The following PRKDC variants were observed in gnomAD, a reference collection of about 807,000 sequenced individuals.
PRKDC encodes protein kinase, DNA-activated, catalytic subunit.
PRKDC carries 82 observed loss-of-function variants against 486.9 expected under a neutral mutation model. That is an observed-to-expected ratio of 0.17 (90% CI 0.14 to 0.20). PRKDC has a LOEUF of 0.20. Among genes scored for constraint, PRKDC ranks in the 10% least tolerant of loss-of-function variants. The probability of loss-of-function intolerance (pLI) is 1.00; values close to 1 mark genes in which losing one functional copy is unlikely to be tolerated. For synonymous variants in PRKDC, 1,895 were observed against 1,837.0 expected, an observed-to-expected ratio of 1.03 and a Z score of -0.81; for missense variants, 4,504 against 5,038.2, an observed-to-expected ratio of 0.89 and a Z score of 3.21.
intron 25 of PRKDC, among the ~76,000 whole-genome samples, chr8:47,906,901 G>A (rs538438328): frequency 1.3e-5 from 2 of 151,602 alleles, no homozygotes; most frequent in South Asian, 4.1e-4. Flanking sequence ...AGTCTTTGAA[G>A]CTATTTTTTT....
chr8:47,943,439 G>A (rs749186720), intron 9 of PRKDC, 73 bp from the exon 10 acceptor site: 176 of 1,443,372 alleles, frequency 1.2e-4, no homozygotes, highest in Non-Finnish European at 1.5e-4. Flanking sequence ...AAACCTGCAG[G>A]GATATGTCAA....
chr8:47,844,882 ACCTCAAATCAATAATCAAACATCG>A (rs1164718540), intron 54 of PRKDC, among the ~76,000 whole-genome samples: 1 of 152,148 alleles, frequency 6.6e-6, no homozygotes, highest in South Asian at 2.1e-4. Flanking sequence ...TGCTGGAAAG[ACCTCAAATCAATAATCAAACATCG>A]CATATAAACT....
chr8:47,888,715 GA>G, intron 33 of PRKDC, 65 bp from the exon 34 acceptor site: 1 of 1,472,248 alleles, frequency 6.8e-7, no homozygotes. Context: ...AAGATACACT[GA>G]AAAAAATGTT....
intron 15 of PRKDC, 83 bp from the exon 16 acceptor site, chr8:47,933,255 GA>G: frequency 1.3e-5 from 14 of 1,082,258 alleles, no homozygotes; most frequent in South Asian, 4.3e-5. Context: ...CACATACACA[GA>G]TGTATGTGCC....
intron 17 of PRKDC, 22 bp from the exon 18 acceptor site, chr8:47,930,034 T>G (rs753231723): frequency 3.3e-5 from 52 of 1,586,348 alleles, no homozygotes; most frequent in Admixed American, 5.5e-5. Context: ...AATTAGAAAT[T>G]GAAGGTAGAA....
rs751700346 is a variant in PRKDC at position 47,939,536 on chromosome 8, GT to G, written c.1113+14del. ...GTGAAACCAAGACAAAATAGAGTAA[GT>G]TAATGAGACATACTCCTGCAAAAAG... On this transcript the variant is annotated intron_variant, in intron 11 of 85. Coordinates refer to ENST00000314191, the MANE Select transcript of PRKDC (RefSeq NM_006904.7). The G allele has an allele frequency of 2.5e-6, 4 of 1,604,614 alleles. No homozygotes were observed. Among genetic ancestry groups the G allele is most frequent in the Non-Finnish European group, 3.4e-6 (4 of 1,176,436 alleles).
chr8:47,929,056 T>C (rs757509398), intron 19 of PRKDC, 36 bp downstream of exon 19: 11 of 1,355,906 alleles, frequency 8.1e-6, no homozygotes, highest in Non-Finnish European at 9.2e-6. Context: ...TAAAAACAGT[T>C]CATGATAACA....
At chr8:47,819,582 A>G in intron 66 of PRKDC, 72 bp from the exon 67 acceptor site, 1 of 715,028 alleles carries the variant, frequency 1.4e-6, no homozygotes, top group Non-Finnish European at 2.2e-6. Context: ...TGTGACTTTA[A>G]GTTTTTAACA....
intron 25 of PRKDC, among the ~76,000 whole-genome samples, chr8:47,907,840 A>G (rs999242059): frequency 4.6e-5 from 7 of 152,240 alleles, no homozygotes; most frequent in Non-Finnish European, 8.8e-5. Flanking sequence ...CCAAGGAGGC[A>G]GAGCTCCTGT....
chr8:47,885,280 T>A (rs1056825669), intron 36 of PRKDC, among the ~76,000 whole-genome samples: 1 of 152,028 alleles, frequency 6.6e-6, no homozygotes, highest in Non-Finnish European at 1.5e-5. Context: ...GCCTCCTGAG[T>A]AGCTGGGATT....
At chr8:47,906,574 A>C (rs1318576304) in intron 25 of PRKDC, among the ~76,000 whole-genome samples, 1 of 150,976 alleles carries the variant, frequency 6.6e-6, no homozygotes, top group African/African-American at 2.4e-5. Context: ...TGGAGGTTGC[A>C]GTGAGCCGAG....
rs1000309527 is a variant in PRKDC, at chr8:47,896,443, A to C, written c.3598+718T>G. On this transcript the variant is annotated intron_variant, in intron 30 of 85. Transcript: ENST00000314191. ...CGGGTGGATCACGAGGTCAGCAGAT[A>C]GAGACCATCCTGGCTAACACGGTGA... Among the ~76,000 whole-genome samples the C allele has an allele frequency of 4.7e-5, 7 of 149,392 alleles. No homozygotes were observed. In the East Asian group the frequency reaches 7.8e-4, roughly 17 times the overall value.
chr8:47,774,125 G>A lies in PRKDC; in HGVS notation c.*48C>T. 6.6e-7 allele frequency: 1 copy of A among 1,508,474 alleles called. No homozygotes were observed. The highest frequency in any genetic ancestry group is 8.9e-7 in the Non-Finnish European group (1 of 1,123,040). The allele number at this position is 1,508,474 out of a possible 1,614,324, so 93.4% of individuals were successfully genotyped here. ...GAATGCTGCCAACCAAAGTATAGTA[G>A]ATTCTTTAAACAATGTAATGCTTTC... On this transcript the variant is annotated 3_prime_UTR_variant, in exon 86 of 86. Coordinates refer to ENST00000314191, the MANE Select transcript of PRKDC (RefSeq NM_006904.7).
chr8:47,943,124 T>C, intron 10 of PRKDC, 85 bp downstream of exon 10: 1 of 1,440,622 alleles, frequency 6.9e-7, no homozygotes, highest in Non-Finnish European at 9.4e-7. Context: ...AACTTGTATT[T>C]ATTTTCAAAC....
chr8:47,778,169 G>C (rs1015786428), intron 83 of PRKDC, among the ~76,000 whole-genome samples: 7 of 152,134 alleles, frequency 4.6e-5, no homozygotes, highest in African/African-American at 1.7e-4. Flanking sequence ...TCACATTTTT[G>C]ACCAGACATT....
At chr8:47,790,920 A>G (rs2086872257) in intron 74 of PRKDC, among the ~76,000 whole-genome samples, 1 of 152,230 alleles carries the variant, frequency 6.6e-6, no homozygotes, top group African/African-American at 2.4e-5. Context: ...ATCCAAATAG[A>G]TTAAAGACTT....
intron 1 of PRKDC, 63 bp downstream of exon 1, chr8:47,959,910 C>A: frequency 6.6e-7 from 1 of 1,515,672 alleles, no homozygotes; most frequent in South Asian, 1.2e-5. Context: ...GCCGGGCTGC[C>A]CGGCTCCAGA....
intron 7 of PRKDC, among the ~76,000 whole-genome samples, chr8:47,948,179 C>G (rs2090568907): frequency 1.3e-5 from 2 of 151,834 alleles, no homozygotes; most frequent in Admixed American, 6.6e-5. Flanking sequence ...GAGTCTTGCT[C>G]TGTTGCCAGG....
chr8:47,826,856 A>C lies in PRKDC; in HGVS notation c.8583T>G (p.Ile2861Met), dbSNP rs745799589. The change falls in exon 63 of 86, where the codon ATT (isoleucine) becomes ATG (methionine). Residue 2861 changes from isoleucine (I) to methionine (M), a missense_variant. Coordinates refer to ENST00000314191, the MANE Select transcript of PRKDC (RefSeq NM_006904.7). Reference protein sequence around the residue: ...FPPFVSCIQDISCQHAALLSL... With the variant: ...FPPFVSCIQDMSCQHAALLSL... ...TCAGCAGGGCTGCGTGCTGACAGCT[A>C]ATGTCCTGTGAAACCACACATACAA... 5 of 1,575,824 alleles carry C rather than the reference A, an allele frequency of 3.2e-6. No individual in the cohort carries two copies. Among genetic ancestry groups the C allele is most frequent in the Non-Finnish European group, 4.3e-6 (5 of 1,156,690 alleles).
Sources: gnomAD v4.1 joint callset for allele counts (sites outside exome capture counted in the v4.1 genomes callset) on GRCh38, gnomAD v4.1.1 for gene constraint, MANE v1.5 for transcripts, NCBI Gene and HGNC (gene_info 2026-07-23, HGNC 2026-07-21) for gene names.